Variants in PCDHA10 observed in about 807,000 individuals in gnomAD.
The protein encoded by PCDHA10 is protocadherin alpha-10.
In PCDHA10, 45 loss-of-function variants were observed where a neutral mutation model predicts 61.2. The ratio of observed to expected loss-of-function variants is 0.74; its 90% CI spans 0.58 to 0.94. The LOEUF (loss-of-function observed/expected upper bound fraction) is 0.94. Among genes scored for constraint, PCDHA10 ranks in the 40% least tolerant of loss-of-function variants. The pLI, the probability that PCDHA10 is intolerant of heterozygous loss-of-function variation, is 0.00. For synonymous variants in PCDHA10, 602 were observed against 548.8 expected (o/e 1.10, Z -1.35); for missense variants, 1,278 against 1,236.2 (o/e 1.03, Z -0.51).
At chr5:140,919,816 A>T (rs542185810) in intron 1 of PCDHA10, among the ~76,000 whole-genome samples, 22 of 152,358 alleles carry the variant, frequency 1.4e-4, no homozygotes, top group African/African-American at 5.3e-4. Flanking sequence ...GGCCTCAAAA[A>T]TATATGTCCA....
At chr5:140,909,747 G>T (rs1554193902) in intron 1 of PCDHA10, among the ~76,000 whole-genome samples, 1 of 152,146 alleles carries the variant, frequency 6.6e-6, no homozygotes, top group East Asian at 1.9e-4. Context: ...CTGGGGAAAT[G>T]ACCACAGGAT....
chr5:140,856,321 C>G lies in PCDHA10; in HGVS notation c.273C>G (p.Arg91=), dbSNP rs544932528. ...TGTTTGTGAATTCTCGGATTGACCG[C>G]GAGGAGCTGTGCGGGCGGAGCGTGG... ...GILFVNSRID[R]EELCGRSVEC... Residue 91 remains arginine (R), a synonymous_variant, in exon 1 of 4, where the codon CGC becomes CGG. Transcript: ENST00000307360. 15 of 1,598,548 alleles carry G rather than the reference C, an allele frequency of 9.4e-6. 2 individuals are homozygous for G. In the Admixed American group the frequency reaches 1.3e-4, roughly 14 times the overall value.
At chr5:140,869,521 C>G (rs782236624) in intron 1 of PCDHA10, 1 of 1,614,182 alleles carries the variant, frequency 6.2e-7, no homozygotes, top group Non-Finnish European at 8.5e-7. Context: ...AGAACAAAAG[C>G]TGCTGATTGC....
At chr5:140,921,213 G>C (rs759293646) in intron 1 of PCDHA10, among the ~76,000 whole-genome samples, 2 of 151,378 alleles carry the variant, frequency 1.3e-5, no homozygotes, top group African/African-American at 2.4e-5. Flanking sequence ...GATAATTCAC[G>C]TCTTTTTTGC....
At chr5:140,894,405 CT>C (rs1198263353) in intron 1 of PCDHA10, among the ~76,000 whole-genome samples, 2 of 151,926 alleles carry the variant, frequency 1.3e-5, no homozygotes, top group African/African-American at 4.8e-5. Context: ...CTTTGCTTTT[CT>C]TTTGTAGCTA....
intron 1 of PCDHA10, chr5:140,968,991 G>A: frequency 6.2e-7 from 1 of 1,614,208 alleles, no homozygotes; most frequent in East Asian, 2.2e-5. Context: ...ACTGCATGCT[G>A]TGGAGGCTTC....
chr5:140,858,383 A>T lies in PCDHA10; in HGVS notation c.2335A>T (p.Met779Leu). The T allele has an allele frequency of 6.3e-7, 1 of 1,584,980 alleles. No individual in the cohort carries two copies. Among genetic ancestry groups the T allele is most frequent in the African/African-American group, 1.3e-5 (1 of 74,332 alleles). Residue 779 changes from methionine to leucine, a missense_variant, in exon 1 of 4, where the codon ATG becomes TTG. Transcript: ENST00000307360. ...AFSPSLPPCP[M>L]VDVDGEDQSI... ...CAGCCCCAGCCTTCCACCATGCCCA[A>T]TGGTAGATGTGGACGGGGAAGATCA... is the stretch of plus-strand genomic sequence containing the variant.
rs143678744 is a variant in PCDHA10 at position 140,873,036 on chromosome 5, G to A, written c.2388+14600G>A. Among the ~76,000 whole-genome samples the A allele has an allele frequency of 5.4e-3, 816 of 152,264 alleles. 4 individuals carry two copies. The highest frequency in any genetic ancestry group is 0.014 in the Middle Eastern group (4 of 294). On this transcript the variant is annotated intron_variant, in intron 1 of 3. Coordinates refer to ENST00000307360, the MANE Select transcript of PCDHA10 (RefSeq NM_018901.4). ...TTTAGTTATTCTTACTACACGTAGA[G>A]TGGTGGTATTACAGACTTTCTTGAG...
chr5:140,919,558 TAA>T (rs879969388), intron 1 of PCDHA10, among the ~76,000 whole-genome samples: 1 of 152,210 alleles, frequency 6.6e-6, no homozygotes, highest in Non-Finnish European at 1.5e-5. Flanking sequence ...TGATTTATAT[TAA>T]GTGAATATTT....
intron 1 of PCDHA10, chr5:140,875,947 G>A: frequency 6.2e-7 from 1 of 1,614,184 alleles, no homozygotes; most frequent in South Asian, 1.1e-5. Context: ...GGGCGCTTCT[G>A]ATGCGGATAT....
intron 3 of PCDHA10, among the ~76,000 whole-genome samples, chr5:140,988,304 C>T (rs1554250029): frequency 6.6e-6 from 1 of 152,308 alleles, no homozygotes; most frequent in African/African-American, 2.4e-5. Flanking sequence ...GGAGTGCCAG[C>T]TTGGCTTGGC....
At chr5:141,007,804 A>G (rs966389410) in intron 3 of PCDHA10, among the ~76,000 whole-genome samples, 1 of 152,204 alleles carries the variant, frequency 6.6e-6, no homozygotes, top group Non-Finnish European at 1.5e-5. Context: ...TTTATCTGCC[A>G]TTCATTTGCC....
At chr5:140,901,697 C>T (rs57431111) in intron 1 of PCDHA10, among the ~76,000 whole-genome samples, 1,867 of 152,140 alleles carry the variant, frequency 0.012, 40 homozygotes, top group African/African-American at 0.043. Context: ...TTTTGTAGTT[C>T]TATATACATT....
chr5:140,937,527 G>A (rs1190290782), intron 1 of PCDHA10, among the ~76,000 whole-genome samples: 3 of 152,250 alleles, frequency 2.0e-5, no homozygotes, highest in Non-Finnish European at 4.4e-5. Flanking sequence ...TGAGGCAGGA[G>A]AATTGCTTGA....
intron 1 of PCDHA10, chr5:140,966,895 G>T: frequency 6.3e-7 from 1 of 1,596,682 alleles, no homozygotes. Flanking sequence ...CGGCCTCCCA[G>T]CTGCGATACT....
At position 140,968,456 on chromosome 5, in the gene PCDHA10, A is replaced by G. The variant is rs782476018; in HGVS notation, c.2389-10493A>G. ...GAGCCCACCACTGAGCAGCACTGTG[A>G]CTGCCAACGTATATGTGGTGGACAT... On this transcript the variant is annotated intron_variant, in intron 1 of 3. Transcript: ENST00000307360. 82 of 1,613,964 alleles carry G rather than the reference A, an allele frequency of 5.1e-5. No individual in the cohort carries two copies. Among genetic ancestry groups the G allele is most frequent in the Non-Finnish European group, 6.2e-5 (73 of 1,180,022 alleles).
rs1337355592 is a variant in PCDHA10, at chr5:140,856,183, C to T, written c.135C>T (p.Gly45=). The T allele has an allele frequency of 5.0e-6, 8 of 1,598,070 alleles. No individual in the cohort carries two copies. The highest frequency in any genetic ancestry group is 2.7e-5 in the African/African-American group (2 of 74,298). The change falls in exon 1 of 4, where the codon GGC becomes GGT. Residue 45 remains glycine, a synonymous_variant. Coordinates refer to ENST00000307360, the MANE Select transcript of PCDHA10 (RefSeq NM_018901.4). ...AGGCCAGACACGGCACCTTCGTGGG[C>T]CGCATCGCGCAGGACCTGGGGCTGG... ...YEEARHGTFV[G]RIAQDLGLEL...
chr5:140,978,196 T>C (rs1043778941), intron 1 of PCDHA10, among the ~76,000 whole-genome samples: 1 of 152,190 alleles, frequency 6.6e-6, no homozygotes. Flanking sequence ...ATCTTTTCAA[T>C]ACACAACTAA....
intron 1 of PCDHA10, chr5:140,859,133 A>C (rs1196792734): frequency 6.7e-6 from 1 of 150,106 alleles, no homozygotes; most frequent in Non-Finnish European, 1.5e-5. Flanking sequence ...TTTTATTTAC[A>C]TAATTTTATC....
Sources: allele counts gnomAD v4.1 joint callset (sites outside exome capture counted in the v4.1 genomes callset), GRCh38; gene constraint gnomAD v4.1.1; transcripts MANE v1.5; gene names NCBI Gene and HGNC (gene_info 2026-07-23, HGNC 2026-07-21).